YARS1: variants seen among roughly 807,000 people sequenced by gnomAD.
The protein encoded by YARS1 is tyrosyl-tRNA synthetase 1, also known as tyrosine--tRNA ligase, cytoplasmic.
YARS1 carries 36 observed loss-of-function variants against 62.2 expected under a neutral mutation model. The ratio of observed to expected loss-of-function variants is 0.58; its 90% CI spans 0.44 to 0.76. The LOEUF is 0.76. YARS1 is among the 30% of genes least tolerant of loss of function. The pLI is 0.00. For missense variants in YARS1, 524 were observed against 639.8 expected (o/e 0.82, Z 1.95); for synonymous variants, 234 against 244.9 (o/e 0.96, Z 0.42).
chr1:32,783,245 G>A (rs527571428), intron 8 of YARS1: 2 of 152,622 alleles, frequency 1.3e-5, no homozygotes, highest in South Asian at 4.1e-4. Context: ...ATGTGGGTGT[G>A]AAAATGATGA....
intron 1 of YARS1, among the ~76,000 whole-genome samples, chr1:32,814,025 C>T (rs1638642352): frequency 6.6e-6 from 1 of 152,156 alleles, no homozygotes; most frequent in African/African-American, 2.4e-5. Flanking sequence ...AACTGATCCC[C>T]TTCAGTTGCT....
At chr1:32,798,060 C>G in intron 4 of YARS1, 1 of 498,592 alleles carries the variant, frequency 2.0e-6, no homozygotes, top group East Asian at 3.9e-5. Flanking sequence ...TTAGTAGAGA[C>G]AACGTTTTGC....
chr1:32,807,006 G>A (rs80332217), intron 3 of YARS1, among the ~76,000 whole-genome samples: 2,202 of 152,244 alleles, frequency 0.014, 16 homozygotes, highest in Non-Finnish European at 0.02. Flanking sequence ...ACTAGGCATG[G>A]AGCCCAGACT....
chr1:32,779,990 C>A, intron 11 of YARS1, 95 bp downstream of exon 11: 1 of 1,479,536 alleles, frequency 6.8e-7, no homozygotes, highest in Non-Finnish European at 9.4e-7. Flanking sequence ...GTTCTCAGAG[C>A]TTCCACCTGG....
At chr1:32,795,047 C>A (rs977077024) in intron 5 of YARS1, among the ~76,000 whole-genome samples, 1 of 146,370 alleles carries the variant, frequency 6.8e-6, no homozygotes, top group African/African-American at 2.5e-5. Flanking sequence ...TTGCCAGGCG[C>A]GGTGGCTCAC....
intron 5 of YARS1, among the ~76,000 whole-genome samples, chr1:32,795,549 G>A (rs902660214): frequency 3.9e-5 from 6 of 152,270 alleles, no homozygotes; most frequent in Admixed American, 3.3e-4. Flanking sequence ...GCTCACGTCT[G>A]TAATCCTAGC....
At chr1:32,787,101 C>T in intron 6 of YARS1, 26 bp from the exon 7 acceptor site, 1 of 1,613,816 alleles carries the variant, frequency 6.2e-7, no homozygotes, top group South Asian at 1.1e-5. Context: ...CGGAAGAGGA[C>T]CTCTTGTGGT....
intron 5 of YARS1, among the ~76,000 whole-genome samples, chr1:32,796,997 T>A (rs10914617): frequency 0.15 from 1,028 of 6,642 alleles, 198 homozygotes; most frequent in East Asian, 0.31. Flanking sequence ...AAAAAAAAAA[T>A]ATATATATAT....
intron 12 of YARS1, among the ~76,000 whole-genome samples, chr1:32,777,979 T>C (rs1652925931): frequency 6.6e-6 from 1 of 152,072 alleles, no homozygotes. Context: ...ATTTATTTTA[T>C]AGCCAGAAAA....
At chr1:32,794,381 C>T (rs993634950) in intron 5 of YARS1, among the ~76,000 whole-genome samples, 1 of 151,804 alleles carries the variant, frequency 6.6e-6, no homozygotes, top group African/African-American at 2.4e-5. Context: ...GTAGTAAAGT[C>T]TTTAAGATTT....
chr1:32,786,479 C>T (rs769647827), intron 7 of YARS1, 32 bp from the exon 8 acceptor site: 1 of 1,566,866 alleles, frequency 6.4e-7, no homozygotes, highest in Admixed American at 1.7e-5. Flanking sequence ...TCAACAAACT[C>T]ATTGACAGCA....
At chr1:32,794,774 G>A (rs369110314) in intron 5 of YARS1, among the ~76,000 whole-genome samples, 8 of 151,750 alleles carry the variant, frequency 5.3e-5, no homozygotes, top group African/African-American at 1.9e-4. Context: ...TTGGGAGGCC[G>A]AGGCAGGTGG....
chr1:32,816,764 C>T (rs1326498294), intron 1 of YARS1: 1 of 189,098 alleles, frequency 5.3e-6, no homozygotes, highest in Non-Finnish European at 1.1e-5. Flanking sequence ...GAAGCCTTCC[C>T]TTCTCTCTTT....
At chr1:32,804,147 C>A (rs1404777455) in intron 4 of YARS1, among the ~76,000 whole-genome samples, 2 of 152,274 alleles carry the variant, frequency 1.3e-5, no homozygotes, top group Non-Finnish European at 2.9e-5. Context: ...TCTTTCCACA[C>A]AGACACAGTA....
At chr1:32,781,845 C>G (rs1240705495) in intron 9 of YARS1, 2 of 163,588 alleles carry the variant, frequency 1.2e-5, no homozygotes, top group Non-Finnish European at 2.7e-5. Context: ...TAGAGTCTCA[C>G]TCTGTTGCCC....
chr1:32,813,563 A>T (rs540766559), intron 1 of YARS1, among the ~76,000 whole-genome samples: 1 of 152,174 alleles, frequency 6.6e-6, no homozygotes, highest in African/African-American at 2.4e-5. Flanking sequence ...CAAATGATCC[A>T]CCTGCCTCAG....
chr1:32,794,146 T>C (rs1653498040), intron 5 of YARS1, among the ~76,000 whole-genome samples: 1 of 152,072 alleles, frequency 6.6e-6, no homozygotes, highest in Non-Finnish European at 1.5e-5. Flanking sequence ...GGTCAGGAGT[T>C]CAAGACCAGC....
chr1:32,782,318 C>T (rs1653085807), intron 9 of YARS1, 86 bp downstream of exon 9: 1 of 1,608,690 alleles, frequency 6.2e-7, no homozygotes, highest in Non-Finnish European at 8.5e-7. Context: ...GGTTGTTGTG[C>T]CCTCAATTTA....
rs868623783 is a variant in YARS1 at position 32,797,019 on chromosome 1, T to A, written c.591+744A>T. Among the ~76,000 whole-genome samples, 89 of 31,932 alleles carry A rather than the reference T, an allele frequency of 2.8e-3. 3 individuals carry two copies. The highest frequency in any genetic ancestry group is 8.7e-3 in the Admixed American group (16 of 1,830). 20.9% of individuals were successfully genotyped at this position (31,932 alleles called of 152,430 possible). On this transcript the variant is annotated intron_variant, in intron 5 of 12. Transcript: ENST00000373477. ...AAATATATATATATATATATATATA[T>A]ATATATATATATATATATATATATA...
Sources: gnomAD v4.1 joint callset for allele counts (sites outside exome capture counted in the v4.1 genomes callset) on GRCh38, gnomAD v4.1.1 for gene constraint, MANE v1.5 for transcripts, NCBI Gene and HGNC (gene_info 2026-07-23, HGNC 2026-07-21) for gene names.